Variants in CCDC91 observed in about 807,000 individuals in gnomAD.
CCDC91 encodes coiled-coil domain-containing protein 91.
Under a neutral mutation model 63.2 loss-of-function variants are expected in CCDC91, and 48 were observed. The ratio of observed to expected loss-of-function variants is 0.76; its 90% CI spans 0.60 to 0.97. The LOEUF is 0.97. Ranked by LOEUF, CCDC91 falls within the 50% of genes least tolerant of loss-of-function variation. The probability of loss-of-function intolerance (pLI) is 0.00; values close to 1 mark genes in which losing one functional copy is unlikely to be tolerated. For missense variants in CCDC91, 500 were observed against 494.6 expected (o/e 1.01, Z -0.10); for synonymous variants, 167 against 165.8 (o/e 1.01, Z -0.06).
intron 11 of CCDC91, among the ~76,000 whole-genome samples, chr12:28,477,952 C>T (rs1478369375): frequency 5.5e-4 from 83 of 151,650 alleles, no homozygotes; most frequent in Admixed American, 1.7e-3. Context: ...CACTGCTCAA[C>T]GAAATAAAAG....
chr12:28,540,287 T>A (rs1339434304), intron 12 of CCDC91, among the ~76,000 whole-genome samples: 7 of 152,194 alleles, frequency 4.6e-5, no homozygotes, highest in Non-Finnish European at 8.8e-5. Flanking sequence ...CAGGCTTTTT[T>A]AAATGCTTCT....
At chr12:28,237,782 T>C (rs903117485) in intron 1 of CCDC91, among the ~76,000 whole-genome samples, 5 of 152,232 alleles carry the variant, frequency 3.3e-5, no homozygotes, top group African/African-American at 9.6e-5. Flanking sequence ...TGTGTGAATA[T>C]ACATTTTTGA....
At chr12:28,481,708 G>A (rs1270133830) in intron 11 of CCDC91, among the ~76,000 whole-genome samples, 1 of 151,956 alleles carries the variant, frequency 6.6e-6, no homozygotes, top group African/African-American at 2.4e-5. Flanking sequence ...TTATACACGA[G>A]CAGTTTTTAA....
intron 8 of CCDC91, among the ~76,000 whole-genome samples, chr12:28,400,484 A>T (rs186448714): frequency 6.6e-6 from 1 of 152,066 alleles, no homozygotes; most frequent in Non-Finnish European, 1.5e-5. Context: ...GGCAAGTAAC[A>T]TTTGGCTCCT....
chr12:28,362,244 T>C (rs1406310040), intron 6 of CCDC91, among the ~76,000 whole-genome samples, 194 bp from the exon 7 acceptor site: 2 of 140,204 alleles, frequency 1.4e-5, no homozygotes, highest in Admixed American at 1.4e-4. Context: ...TAATTCCTCA[T>C]TGCCTCAGTG....
At chr12:28,473,268 T>C (rs1566027788) in intron 11 of CCDC91, among the ~76,000 whole-genome samples, 2 of 152,096 alleles carry the variant, frequency 1.3e-5, no homozygotes, top group Admixed American at 1.3e-4. Context: ...GACTGCTGTA[T>C]AGGATGGCAA....
At chr12:28,404,934 C>T (rs1946842104) in intron 8 of CCDC91, among the ~76,000 whole-genome samples, 1 of 151,828 alleles carries the variant, frequency 6.6e-6, no homozygotes, top group Non-Finnish European at 1.5e-5. Context: ...GTTTTTTGCT[C>T]TATTATATTT....
chr12:28,378,069 T>C (rs1318012613), intron 7 of CCDC91, among the ~76,000 whole-genome samples: 1 of 152,034 alleles, frequency 6.6e-6, no homozygotes, highest in African/African-American at 2.4e-5. Context: ...TTTTAACTTA[T>C]TAGGCACATG....
At position 28,433,241 on chromosome 12, in the gene CCDC91, T is replaced by TTG. The variant is rs1473179042; in HGVS notation, c.763-16909_763-16908dup. Among the ~76,000 whole-genome samples, 7 of 152,074 alleles carry TTG rather than the reference T, an allele frequency of 4.6e-5. No individual in the cohort carries two copies. In the East Asian group the frequency reaches 1.3e-3, roughly 29 times the overall value. The stretch of plus-strand genomic sequence containing the variant: ...TAATGAAGTTCAGCTTATCCCATTT[T>TTG]TGTGTGTGTGTGCGAATTGTGCCTT... On this transcript the variant is annotated intron_variant, in intron 8 of 12. Transcript: ENST00000536442.
rs1943194142 is a variant in CCDC91 at position 28,549,351 on chromosome 12, T to C, written c.*178T>C. 2.1e-6 allele frequency: 1 copy of C among 467,700 alleles called. No individual in the cohort carries two copies. The highest frequency in any genetic ancestry group is 3.9e-6 in the Non-Finnish European group (1 of 255,862). The allele number at this position is 467,700 out of a possible 1,614,324, so 29.0% of individuals were successfully genotyped here. A position where few individuals can be genotyped will look rare whatever the true frequency, so the allele number is the denominator to read the frequency against. The stretch of plus-strand genomic sequence containing the variant: ...TCAAGTGATCTAATTTATTTTCTTT[T>C]GGTTTCTTCTTTACATTTACTGTTA... On this transcript the variant is annotated 3_prime_UTR_variant, in exon 13 of 13. Coordinates refer to ENST00000536442, the MANE Select transcript of CCDC91 (RefSeq NM_018318.5).
At chr12:28,355,590 T>C (rs1943471320) in intron 6 of CCDC91, among the ~76,000 whole-genome samples, 1 of 152,202 alleles carries the variant, frequency 6.6e-6, no homozygotes, top group Admixed American at 6.5e-5. Context: ...CCAATTTCTT[T>C]CCTTAATGTT....
intron 7 of CCDC91, among the ~76,000 whole-genome samples, chr12:28,377,728 T>C (rs1237577230): frequency 2.0e-5 from 3 of 152,090 alleles, no homozygotes; most frequent in African/African-American, 4.8e-5. Context: ...TAAAAACTTA[T>C]CATTATAAGT....
chr12:28,261,777 C>A (rs1946836400), intron 3 of CCDC91, among the ~76,000 whole-genome samples: 2 of 151,966 alleles, frequency 1.3e-5, no homozygotes, highest in Non-Finnish European at 2.9e-5. Flanking sequence ...ATTAGTGGGT[C>A]AAGTTCTCAA....
chr12:28,208,901 C>T (rs1033071338), intron 1 of CCDC91, among the ~76,000 whole-genome samples: 7 of 151,992 alleles, frequency 4.6e-5, no homozygotes, highest in African/African-American at 7.2e-5. Flanking sequence ...CCCGGGTTCA[C>T]GCCATTCTCC....
intron 1 of CCDC91, among the ~76,000 whole-genome samples, chr12:28,208,394 A>G (rs1390201670): frequency 6.6e-6 from 1 of 152,182 alleles, no homozygotes; most frequent in Non-Finnish European, 1.5e-5. Context: ...TGGAACATAT[A>G]TTAATATAAT....
intron 1 of CCDC91, among the ~76,000 whole-genome samples, chr12:28,247,206 C>T (rs765830448): frequency 5.9e-5 from 9 of 152,120 alleles, no homozygotes; most frequent in African/African-American, 1.9e-4. Context: ...TTGGGCTGGG[C>T]GTGGTGGCTC....
At chr12:28,522,928 G>A (rs1465982924) in intron 12 of CCDC91, among the ~76,000 whole-genome samples, 1 of 152,110 alleles carries the variant, frequency 6.6e-6, no homozygotes, top group Non-Finnish European at 1.5e-5. Context: ...ATTGCCCTGT[G>A]GTCTGAGAGA....
chr12:28,298,196 A>G (rs1949669095), intron 3 of CCDC91, among the ~76,000 whole-genome samples: 1 of 151,778 alleles, frequency 6.6e-6, no homozygotes, highest in African/African-American at 2.4e-5. Flanking sequence ...ATCAAATTCA[A>G]CAACTTTCTG....
At chr12:28,479,193 G>C (rs978337614) in intron 11 of CCDC91, among the ~76,000 whole-genome samples, 1 of 152,150 alleles carries the variant, frequency 6.6e-6, no homozygotes, top group Non-Finnish European at 1.5e-5. Context: ...ATTCACAATA[G>C]CAAAGACTTG....
Sources: gnomAD v4.1 joint callset for allele counts (sites outside exome capture counted in the v4.1 genomes callset) on GRCh38, gnomAD v4.1.1 for gene constraint, MANE v1.5 for transcripts, NCBI Gene and HGNC (gene_info 2026-07-23, HGNC 2026-07-21) for gene names.